Variants in TSSK3 observed in about 807,000 individuals in gnomAD.
TSSK3 encodes testis-specific serine/threonine-protein kinase 3.
A neutral mutation model predicts 18.9 loss-of-function variants in TSSK3; 16 were observed. That is an observed-to-expected ratio of 0.85 (90% CI 0.57 to 1.28). The LOEUF (loss-of-function observed/expected upper bound fraction) is 1.28, where lower values mean the gene tolerates loss of function less well. TSSK3 is among the 50% of genes most tolerant of loss of function. The probability of loss-of-function intolerance (pLI) is 0.00; values close to 1 mark genes in which losing one functional copy is unlikely to be tolerated. For synonymous variants in TSSK3, 146 were observed against 133.9 expected (o/e 1.09, Z -0.62); for missense variants, 345 against 341.0 (o/e 1.01, Z -0.09).
At chr1:32,363,464 C>CTTAA in intron 1 of TSSK3, 131 bp from the exon 2 acceptor site, 1 of 839,082 alleles carries the variant, frequency 1.2e-6, no homozygotes, top group Non-Finnish European at 1.8e-6. Context: ...GCTAGACACA[C>CTTAA]TTAAGACCAT....
chr1:32,364,157 C>A lies in TSSK3; in HGVS notation c.708C>A (p.Ala236=), dbSNP rs370564450. The A allele has an allele frequency of 4.3e-6, 7 of 1,614,156 alleles. No individual in the cohort carries two copies. The South Asian group carries it at 7.7e-5, about 18-fold the overall frequency. The change falls in exon 2 of 2, where the codon GCC becomes GCA. Residue 236 remains alanine (A), a synonymous_variant. Transcript: ENST00000373534. ...VSFPTHLSIS[A]DCQDLLKRLL... ...TCCCCACTCATCTGAGCATCTCGGC[C>A]GATTGCCAGGACCTGCTCAAGAGGC...
chr1:32,363,209 G>A (rs985975539), intron 1 of TSSK3: 1 of 340,084 alleles, frequency 2.9e-6, no homozygotes, highest in Non-Finnish European at 5.4e-6. Context: ...AGGAAGACAG[G>A]GCTCATGGAA....
chr1:32,364,155 G>C lies in TSSK3; in HGVS notation c.706G>C (p.Ala236Pro), dbSNP rs755162230. 1 of 1,614,172 alleles carries C rather than the reference G, an allele frequency of 6.2e-7. No individual in the cohort carries two copies. Among genetic ancestry groups the C allele is most frequent in the South Asian group, 1.1e-5 (1 of 91,084 alleles). The change falls in exon 2 of 2, where the codon GCC becomes CCC. Residue 236 changes from alanine (A) to proline (P), a missense_variant. By Grantham distance (27) the Ala-to-Pro change is conservative (BLOSUM62 -1). Transcript: ENST00000373534. The part of the protein sequence containing the change: ...VSFPTHLSIS[A>P]DCQDLLKRLL... ...CTTCCCCACTCATCTGAGCATCTCG[G>C]CCGATTGCCAGGACCTGCTCAAGAG...
chr1:32,363,162 A>C, intron 1 of TSSK3: 1 of 386,884 alleles, frequency 2.6e-6, no homozygotes. Context: ...CTGGTAGAGA[A>C]CAGGGGCTGG....
rs769637045 is a variant in TSSK3 at position 32,363,962 on chromosome 1, C to T, written c.513C>T (p.Gly171=). The change falls in exon 2 of 2, where the codon GGC becomes GGT. Residue 171 remains glycine, a synonymous_variant. Transcript: ENST00000373534. ...SHRELSQTFC[G]STAYAAPEVL... Reference sequence around the variant, plus strand: ...GGGAGCTGAGCCAGACCTTCTGCGGCAGTACAGCCTATGCTGCCCCCGAGG... The same window carrying T: ...GGGAGCTGAGCCAGACCTTCTGCGGTAGTACAGCCTATGCTGCCCCCGAGG... 1.2e-6 allele frequency: 2 copies of T among 1,614,272 alleles called. No homozygotes were observed. Among genetic ancestry groups the T allele is most frequent in the African/African-American group, 1.3e-5 (1 of 75,086 alleles).
Position 32,364,247 on chromosome 1 carries a change from A to C in TSSK3, c.798A>C (p.Ala266=), listed in dbSNP as rs1289871429. 6.3e-7 allele frequency: 1 copy of C among 1,595,282 alleles called. No homozygotes were observed. The highest frequency in any genetic ancestry group is 8.6e-7 in the Non-Finnish European group (1 of 1,166,678). ...IEEVSWHPWL[A]ST is the part of the protein sequence containing the mutation. Reference sequence around the variant, plus strand: ...AAGTTAGTTGGCATCCATGGCTAGCAAGCACTTGATAAAAGCAATGGCAAG... The same window carrying C: ...AAGTTAGTTGGCATCCATGGCTAGCCAGCACTTGATAAAAGCAATGGCAAG... The change falls in exon 2 of 2, where the codon GCA becomes GCC. Residue 266 remains alanine (A), a synonymous_variant. Transcript: ENST00000373534.
At position 32,362,682 on chromosome 1, in the gene TSSK3, G is replaced by A; in HGVS notation, c.-20G>A. On this transcript the variant is annotated 5_prime_UTR_variant, in exon 1 of 2. Transcript: ENST00000373534. ...GGCAGCATGAGCTGAGAGGGTGATAGGAAGGCGGCGCTAGACAGCATGGAG... is the reference window on the plus strand; with the variant it reads ...GGCAGCATGAGCTGAGAGGGTGATAAGAAGGCGGCGCTAGACAGCATGGAG... 3 of 1,613,738 alleles carry A rather than the reference G, an allele frequency of 1.9e-6. No homozygotes were observed. In the South Asian group the frequency reaches 3.3e-5, roughly 18 times the overall value.
chr1:32,363,405 A>C (rs955522599), intron 1 of TSSK3, 190 bp from the exon 2 acceptor site: 4 of 619,130 alleles, frequency 6.5e-6, no homozygotes, highest in Non-Finnish European at 1.1e-5. Flanking sequence ...TGAATGATAT[A>C]CTAACGACAA....
rs1028058595 is a variant in TSSK3 at position 32,362,559 on chromosome 1, A to ACAGAGAATG, written c.-142_-134dup. On this transcript the variant is annotated 5_prime_UTR_variant, in exon 1 of 2. It adds an upstream start codon to the 5' untranslated region. Coordinates refer to ENST00000373534, the MANE Select transcript of TSSK3 (RefSeq NM_052841.4). ...CCCCACCACCCGCCGCTGTGTCCAG[A>ACAGAGAATG]CAGAGAATGTTCTAACGCTGGGGGC... The ACAGAGAATG allele has an allele frequency of 1.6e-5, 15 of 965,196 alleles. No individual in the cohort carries two copies. The highest frequency in any genetic ancestry group is 2.6e-5 in the Admixed American group (1 of 37,746). The allele number at this position is 965,196 out of a possible 1,614,324, so 59.8% of individuals were successfully genotyped here. A position where few individuals can be genotyped will look rare whatever the true frequency, so the allele number is the denominator to read the frequency against.
In TSSK3 at chr1:32,362,670, G is replaced by A; in HGVS notation, c.-32G>A. 1 of 1,613,002 alleles carries A rather than the reference G, an allele frequency of 6.2e-7. No individual in the cohort carries two copies. Among genetic ancestry groups the A allele is most frequent in the African/African-American group, 1.3e-5 (1 of 74,956 alleles). ...CTGCCTCTCAGAGGCAGCATGAGCT[G>A]AGAGGGTGATAGGAAGGCGGCGCTA... On this transcript the variant is annotated 5_prime_UTR_variant, in exon 1 of 2. The change abolishes the stop of an existing upstream ORF in the 5' untranslated region. Transcript: ENST00000373534.
Position 32,362,832 on chromosome 1 carries a change from T to A in TSSK3, c.131T>A (p.Met44Lys). 1.2e-6 allele frequency: 2 copies of A among 1,614,008 alleles called. No individual in the cohort carries two copies. Among genetic ancestry groups the A allele is most frequent in the Non-Finnish European group, 1.7e-6 (2 of 1,179,992 alleles). The change falls in exon 1 of 2, where the codon ATG (methionine) becomes AAG (lysine). Residue 44 changes from methionine (M) to lysine (K), a missense_variant. Transcript: ENST00000373534. The stretch of plus-strand genomic sequence containing the variant: ...GTGGCAATTAAAGTTATAGACAAGA[T>A]GGGAGGGCCAGAAGGTGAGCCGGGG... ...RKVAIKVIDKMGGPEEFIQRF... is the reference protein window; with the variant it reads ...RKVAIKVIDKKGGPEEFIQRF...
rs775934950 is a variant in TSSK3 at position 32,363,886 on chromosome 1, A to G, written c.437A>G (p.Asn146Ser). ...KCENALLQGF[N>S]LKLTDFGFAK... is the part of the protein sequence containing the mutation. ...GAGAACGCCTTGTTGCAGGGCTTCA[A>G]CCTGAAGCTGACTGACTTTGGCTTT... Residue 146 changes from asparagine to serine, a missense_variant, in exon 2 of 2, where the codon AAC becomes AGC. Physicochemically the swap from Asn to Ser is conservative, Grantham distance 46 (BLOSUM62 1). Transcript: ENST00000373534. 6.2e-7 allele frequency: 1 copy of G among 1,614,174 alleles called. No homozygotes were observed. The highest frequency in any genetic ancestry group is 2.2e-5 in the East Asian group (1 of 44,884).
Position 32,364,177 on chromosome 1 carries a change from A to G in TSSK3, c.728A>G (p.Lys243Arg). 6.2e-7 allele frequency: 1 copy of G among 1,614,082 alleles called. No individual in the cohort carries two copies. Among genetic ancestry groups the G allele is most frequent in the Non-Finnish European group, 8.5e-7 (1 of 1,179,928 alleles). Residue 243 changes from lysine to arginine, a missense_variant, in exon 2 of 2, where the codon AAG becomes AGG. Lys to Arg is a conservative substitution (Grantham distance 26). Transcript: ENST00000373534. ...SISADCQDLL[K>R]RLLEPDMILR... ...TCGGCCGATTGCCAGGACCTGCTCA[A>G]GAGGCTCCTGGAACCCGATATGATC...
In TSSK3 at chr1:32,363,904, T is replaced by C; in HGVS notation, c.455T>C (p.Phe152Ser). 3 of 1,614,198 alleles carry C rather than the reference T, an allele frequency of 1.9e-6. No individual in the cohort carries two copies. Among genetic ancestry groups the C allele is most frequent in the East Asian group, 2.2e-5 (1 of 44,880 alleles). Residue 152 changes from phenylalanine to serine, a missense_variant, in exon 2 of 2, where the codon TTT becomes TCT. By Grantham distance (155) the Phe-to-Ser change is radical (BLOSUM62 -2). Transcript: ENST00000373534. ...LQGFNLKLTD[F>S]GFAKVLPKSH... ...GGCTTCAACCTGAAGCTGACTGACT[T>C]TGGCTTTGCCAAGGTGTTGCCCAAG...
chr1:32,362,650 T>G lies in TSSK3; in HGVS notation c.-52T>G, dbSNP rs1641725268. On this transcript the variant is annotated 5_prime_UTR_variant, in exon 1 of 2. Transcript: ENST00000373534. ...AGGGCGATGGTGGAGTAGAGCTGCC[T>G]CTCAGAGGCAGCATGAGCTGAGAGG... The G allele has an allele frequency of 6.9e-6, 11 of 1,603,788 alleles. No individual in the cohort carries two copies. Among genetic ancestry groups the G allele is most frequent in the Non-Finnish European group, 9.4e-6 (11 of 1,175,074 alleles).
At chr1:32,363,410 C>T (rs987282094) in intron 1 of TSSK3, 185 bp from the exon 2 acceptor site, 74 of 630,198 alleles carry the variant, frequency 1.2e-4, no homozygotes, top group Middle Eastern at 4.3e-4. Flanking sequence ...GATATACTAA[C>T]GACAAAAATA....
At position 32,362,715 on chromosome 1, in the gene TSSK3, T is replaced by C. The variant is rs765172151; in HGVS notation, c.14T>C (p.Leu5Pro). 1 of 1,614,154 alleles carries C rather than the reference T, an allele frequency of 6.2e-7. No individual in the cohort carries two copies. Among genetic ancestry groups the C allele is most frequent in the South Asian group, 1.1e-5 (1 of 91,078 alleles). ...GCGCTAGACAGCATGGAGGACTTTC[T>C]GCTCTCCAATGGGTACCAGCTGGGC... MEDF[L>P]LSNGYQLGKT... Residue 5 changes from leucine to proline, a missense_variant, in exon 1 of 2, where the codon CTG becomes CCG. Coordinates refer to ENST00000373534, the MANE Select transcript of TSSK3 (RefSeq NM_052841.4).
Position 32,363,796 on chromosome 1 carries a change from G to A in TSSK3, c.347G>A (p.Arg116His), listed in dbSNP as rs774698904. 2.4e-5 allele frequency: 38 copies of A among 1,614,104 alleles called. No homozygotes were observed. Among genetic ancestry groups the A allele is most frequent in the Admixed American group, 6.7e-5 (4 of 60,010 alleles). The change falls in exon 2 of 2, where the codon CGT becomes CAT. Residue 116 changes from arginine to histidine, a missense_variant. Arg to His is a conservative substitution (Grantham distance 29). Coordinates refer to ENST00000373534, the MANE Select transcript of TSSK3 (RefSeq NM_052841.4). Reference sequence around the variant, plus strand: ...GAAAGCCGGGCCAAGGCCCTCTTCCGTCAGATGGTTGAGGCCATCCGCTAC... The same window carrying A: ...GAAAGCCGGGCCAAGGCCCTCTTCCATCAGATGGTTGAGGCCATCCGCTAC... ...LPESRAKALF[R>H]QMVEAIRYCH...
rs141283838 is a variant in TSSK3, at chr1:32,363,955, T to C, written c.506T>C (p.Phe169Ser). Residue 169 changes from phenylalanine (F) to serine (S), a missense_variant, in exon 2 of 2, where the codon TTC becomes TCC. Phe to Ser is a radical substitution (Grantham distance 155). Coordinates refer to ENST00000373534, the MANE Select transcript of TSSK3 (RefSeq NM_052841.4). ...TCACACCGGGAGCTGAGCCAGACCT[T>C]CTGCGGCAGTACAGCCTATGCTGCC... ...PKSHRELSQTFCGSTAYAAPE... is the reference protein window; with the variant it reads ...PKSHRELSQTSCGSTAYAAPE... 5 of 1,614,090 alleles carry C rather than the reference T, an allele frequency of 3.1e-6. No individual in the cohort carries two copies. In the African/African-American group the frequency reaches 6.7e-5, roughly 22 times the overall value.
Sources: allele counts gnomAD v4.1 joint callset, GRCh38; gene constraint gnomAD v4.1.1; transcripts MANE v1.5; gene names NCBI Gene and HGNC (gene_info 2026-07-23, HGNC 2026-07-21).